Variants in GRIN2A observed in about 807,000 individuals in gnomAD.
The protein encoded by GRIN2A is glutamate receptor ionotropic, NMDA 2A.
A neutral mutation model predicts 113.4 loss-of-function variants in GRIN2A; 22 were observed. The observed-to-expected ratio is 0.19, with a 90% CI of 0.14 to 0.28. GRIN2A has a LOEUF of 0.28. Ranked by LOEUF, GRIN2A falls within the 10% of genes least tolerant of loss-of-function variation. GRIN2A has a pLI of 1.00. For synonymous variants in GRIN2A, 827 were observed against 738.4 expected, an observed-to-expected ratio of 1.12 and a Z score of -1.94; for missense variants, 1,502 against 1,887.0, an observed-to-expected ratio of 0.80 and a Z score of 3.78.
Position 10,180,148 on chromosome 16 carries a change from G to T in GRIN2A, c.264C>A (p.Asp88Glu). The change falls in exon 2 of 13, where the codon GAC becomes GAA. Residue 88 changes from aspartate to glutamate, a missense_variant. By Grantham distance (45) the Asp-to-Glu change is conservative (BLOSUM62 2). Around this residue, in one of 7 missense-constraint regions of GRIN2A, gnomAD observed 149 missense variants for 179.1 expected, o/e 0.83. Transcript: ENST00000330684. The surrounding 1 kb of genome is among the most constrained non-coding windows in gnomAD (Gnocchi z 7.0). ...CGTGGATGCGTGCCCCGGACATGAGGTCGCACACGTGCGTGATGAGGCTCT... is the reference window on the plus strand; with the variant it reads ...CGTGGATGCGTGCCCCGGACATGAGTTCGCACACGTGCGTGATGAGGCTCT... ...DPKSLITHVC[D>E]LMSGARIHGL... 6.2e-7 allele frequency: 1 copy of T among 1,614,230 alleles called. No homozygotes were observed. Among genetic ancestry groups the T allele is most frequent in the Non-Finnish European group, 8.5e-7 (1 of 1,180,042 alleles).
chr16:10,143,984 T>A (rs1004386057), intron 2 of GRIN2A, among the ~76,000 whole-genome samples: 132 of 152,156 alleles, frequency 8.7e-4, no homozygotes, highest in African/African-American at 2.8e-3. Flanking sequence ...ATTTTTTTTT[T>A]AAATAAGATT....
chr16:10,118,029 A>C (rs1199428266), intron 2 of GRIN2A, among the ~76,000 whole-genome samples: 2 of 152,112 alleles, frequency 1.3e-5, no homozygotes. Flanking sequence ...AGCCAATGAT[A>C]ATCTTGGGGC....
chr16:9,982,516 A>T (rs774651705), intron 2 of GRIN2A, among the ~76,000 whole-genome samples: 7 of 152,242 alleles, frequency 4.6e-5, no homozygotes, highest in Non-Finnish European at 8.8e-5. Context: ...TGATACAAGA[A>T]GGGCAGAATA....
intron 2 of GRIN2A, among the ~76,000 whole-genome samples, chr16:10,051,639 A>G (rs1462306084): frequency 1.3e-5 from 2 of 152,234 alleles, no homozygotes; most frequent in Non-Finnish European, 2.9e-5. Flanking sequence ...ATATTGCCGA[A>G]TTCACACAAC....
intron 4 of GRIN2A, among the ~76,000 whole-genome samples, chr16:9,863,033 GC>G (rs2043097500): frequency 6.6e-6 from 1 of 152,082 alleles, no homozygotes; most frequent in Non-Finnish European, 1.5e-5. Context: ...TTGTATGTTG[GC>G]AAACAGGGAA....
Position 9,764,053 on chromosome 16 carries a change from G to A in GRIN2A, c.3491C>T (p.Thr1164Met), listed in dbSNP as rs2141131695. 3.1e-6 allele frequency: 5 copies of A among 1,613,838 alleles called. No homozygotes were observed. Among genetic ancestry groups the A allele is most frequent in the South Asian group, 2.2e-5 (2 of 91,084 alleles). ...PSENFRKGDS[T>M]LPMNRNPLHN... ...CAAGGGGTTCCGGTTCATTGGCAGCGTGGAGTCCCCCTTGCGGAAGTTTTC... is the reference window on the plus strand; with the variant it reads ...CAAGGGGTTCCGGTTCATTGGCAGCATGGAGTCCCCCTTGCGGAAGTTTTC... Residue 1164 changes from threonine to methionine, a missense_variant, in exon 13 of 13, where the codon ACG becomes ATG. Thr to Met is a moderately conservative substitution (Grantham distance 81, BLOSUM62 -1). Transcript: ENST00000330684.
intron 8 of GRIN2A, among the ~76,000 whole-genome samples, chr16:9,833,581 A>G (rs903296695): frequency 1.3e-5 from 2 of 152,212 alleles, no homozygotes; most frequent in African/African-American, 4.8e-5. Flanking sequence ...ACAACTATTG[A>G]CTTCAGGTTA....
chr16:10,068,155 T>C (rs1368277787), intron 2 of GRIN2A, among the ~76,000 whole-genome samples: 2 of 152,254 alleles, frequency 1.3e-5, no homozygotes, highest in Non-Finnish European at 2.9e-5. Context: ...TATTTACTAA[T>C]TCACTCAGTT....
chr16:10,167,181 G>A (rs1489278625), intron 2 of GRIN2A, among the ~76,000 whole-genome samples: 2 of 152,142 alleles, frequency 1.3e-5, no homozygotes, highest in Non-Finnish European at 2.9e-5. Flanking sequence ...GGGTTTCAGA[G>A]GGTCTGTGAT....
At chr16:9,798,060 T>G (rs985479765) in intron 11 of GRIN2A, among the ~76,000 whole-genome samples, 1 of 152,254 alleles carries the variant, frequency 6.6e-6, no homozygotes, top group Non-Finnish European at 1.5e-5. Context: ...AGAGAGACTG[T>G]ATCCTTAGAA....
intron 2 of GRIN2A, among the ~76,000 whole-genome samples, chr16:10,048,619 A>G (rs2141978738): frequency 6.6e-6 from 1 of 152,322 alleles, no homozygotes; most frequent in African/African-American, 2.4e-5. Context: ...GAAGAAGACT[A>G]GAGATATTAG....
At chr16:10,140,867 C>T (rs1407644975) in intron 2 of GRIN2A, among the ~76,000 whole-genome samples, 1 of 152,184 alleles carries the variant, frequency 6.6e-6, no homozygotes, top group Non-Finnish European at 1.5e-5. Flanking sequence ...TCTTGCCACA[C>T]TGGGAGTTGG....
chr16:9,757,613 C>T lies in GRIN2A; in HGVS notation c.*5536G>A, dbSNP rs1280808339. On this transcript the variant is annotated 3_prime_UTR_variant, in exon 13 of 13. Coordinates refer to ENST00000330684, the MANE Select transcript of GRIN2A (RefSeq NM_001134407.3). ...TGGCTTTCAAAATAAAGTGGACATT[C>T]AGTGAAGTCCTATTAGCTGGTCAAT... The T allele has an allele frequency of 8.9e-6, 2 of 223,576 alleles. No individual in the cohort carries two copies. The highest frequency in any genetic ancestry group is 1.8e-5 in the Non-Finnish European group (2 of 111,992). 13.8% of individuals were successfully genotyped at this position (223,576 alleles called of 1,614,324 possible). A position where few individuals can be genotyped will look rare whatever the true frequency, so the allele number is the denominator to read the frequency against.
intron 2 of GRIN2A, among the ~76,000 whole-genome samples, chr16:10,139,197 G>A (rs549503940): frequency 8.5e-5 from 13 of 152,264 alleles, no homozygotes; most frequent in African/African-American, 3.1e-4. Context: ...AAGCTTGGGG[G>A]TCAAGTCTGC....
intron 2 of GRIN2A, among the ~76,000 whole-genome samples, chr16:10,079,141 G>A (rs955404402): frequency 6.6e-6 from 1 of 152,192 alleles, no homozygotes; most frequent in Non-Finnish European, 1.5e-5. Flanking sequence ...CACCATCTTA[G>A]CACAAATAAG....
intron 2 of GRIN2A, among the ~76,000 whole-genome samples, chr16:10,128,149 T>A (rs771671991): frequency 3.9e-5 from 6 of 152,178 alleles, no homozygotes; most frequent in Non-Finnish European, 5.9e-5. Flanking sequence ...CATGATTCCG[T>A]AGGAAGATCA....
intron 2 of GRIN2A, among the ~76,000 whole-genome samples, chr16:10,007,181 T>C (rs1410058460): frequency 6.6e-6 from 1 of 152,230 alleles, no homozygotes; most frequent in Non-Finnish European, 1.5e-5. Flanking sequence ...ATGGTAGTTC[T>C]ATTTTTAATT....
intron 2 of GRIN2A, among the ~76,000 whole-genome samples, chr16:9,966,800 T>A (rs1389683147): frequency 6.6e-6 from 1 of 152,212 alleles, no homozygotes; most frequent in African/African-American, 2.4e-5. Flanking sequence ...TGACAATCCC[T>A]GCCCCTCACT....
At chr16:9,777,932 G>A (rs770829938) in intron 11 of GRIN2A, among the ~76,000 whole-genome samples, 12 of 152,282 alleles carry the variant, frequency 7.9e-5, no homozygotes, top group East Asian at 5.8e-4. Context: ...GGGCGTGGTC[G>A]TGGGCGCCTG....
Sources: gnomAD v4.1 joint callset for allele counts (sites outside exome capture counted in the v4.1 genomes callset) on GRCh38, gnomAD v4.1.1 for gene constraint, gnomAD v4.1.1 regional missense constraint, Gnocchi (gnomAD v3.1) non-coding constraint, MANE v1.5 for transcripts, NCBI Gene and HGNC (gene_info 2026-07-23, HGNC 2026-07-21) for gene names.